RFC2: variants seen among roughly 807,000 people sequenced by gnomAD.
RFC2 encodes A1 40 kDa subunit.
Under a neutral mutation model 44.8 loss-of-function variants are expected in RFC2, and 34 were observed. The observed-to-expected ratio is 0.76, with a 90% CI of 0.58 to 1.01. The LOEUF (loss-of-function observed/expected upper bound fraction) is 1.01, where lower values mean the gene tolerates loss of function less well. RFC2 is among the 50% of genes least tolerant of loss of function. The probability of loss-of-function intolerance (pLI) is 0.00; values close to 1 mark genes in which losing one functional copy is unlikely to be tolerated. For missense variants in RFC2, 400 were observed against 453.6 expected (o/e 0.88, Z 1.07); for synonymous variants, 177 against 168.9 (o/e 1.05, Z -0.37).
intron 3 of RFC2, 108 bp from the exon 4 acceptor site, chr7:74,249,226 T>C: frequency 1.3e-6 from 2 of 1,566,790 alleles, no homozygotes; most frequent in Non-Finnish European, 1.7e-6. Context: ...GACCCCTGCA[T>C]TCCACCCACA....
chr7:74,249,636 G>C, intron 3 of RFC2, 103 bp downstream of exon 3: 1 of 949,646 alleles, frequency 1.1e-6, no homozygotes, highest in South Asian at 1.3e-5. Flanking sequence ...GGGGGAATGG[G>C]AAGGGGCTCT....
rs539584528 is a variant in RFC2, at chr7:74,234,394, T to G, written c.954+1138A>C. On this transcript the variant is annotated intron_variant, in intron 10 of 10. Transcript: ENST00000055077. ...TGGTGATAGTGTTTGCATGACTGAGTGCGTTTGTCCTGTACCTAACAGGCT... is the reference window on the plus strand; with the variant it reads ...TGGTGATAGTGTTTGCATGACTGAGGGCGTTTGTCCTGTACCTAACAGGCT... Among the ~76,000 whole-genome samples, 12 of 152,250 alleles carry G rather than the reference T, an allele frequency of 7.9e-5. No homozygotes were observed. In the East Asian group the frequency reaches 2.3e-3, roughly 29 times the overall value.
intron 9 of RFC2, among the ~76,000 whole-genome samples, chr7:74,236,273 A>G (rs1803008991): frequency 6.6e-6 from 1 of 151,738 alleles, no homozygotes; most frequent in African/African-American, 2.4e-5. Context: ...CAGGAGGCAG[A>G]GAAGCTCTGT....
chr7:74,238,513 G>A lies in RFC2; in HGVS notation c.759+410C>T, dbSNP rs1195387379. On this transcript the variant is annotated intron_variant, in intron 8 of 10. Coordinates refer to ENST00000055077, the MANE Select transcript of RFC2 (RefSeq NM_181471.3). The surrounding 1 kb of genome is among the most constrained non-coding windows in gnomAD (Gnocchi z 4.0). Reference sequence around the variant, plus strand: ...CATTGCAGAAAAAACCCAGGGTGTGGGGTCTGAAGGCTACTGGGGAACAGC... The same window carrying A: ...CATTGCAGAAAAAACCCAGGGTGTGAGGTCTGAAGGCTACTGGGGAACAGC... Among the ~76,000 whole-genome samples, 1 of 152,046 alleles carries A rather than the reference G, an allele frequency of 6.6e-6. No individual in the cohort carries two copies. Among genetic ancestry groups the A allele is most frequent in the East Asian group, 1.9e-4 (1 of 5,174 alleles).
chr7:74,237,415 C>A lies in RFC2; in HGVS notation c.787G>T (p.Val263Leu). 1.2e-6 allele frequency: 2 copies of A among 1,600,132 alleles called. No homozygotes were observed. The highest frequency in any genetic ancestry group is 1.7e-4 in the Middle Eastern group (1 of 6,036). Residue 263 changes from valine to leucine, a missense_variant, in exon 9 of 11, where the codon GTA becomes TTA. Transcript: ENST00000055077. ...KVCDEPHPLLVKEMIQHCVNA... is the reference protein window; with the variant it reads ...KVCDEPHPLLLKEMIQHCVNA... ...ACACAGTGCTGGATCATCTCCTTTA[C>A]CAGCAGTGGGTGGGGCTCGTCACAG...
At chr7:74,249,196 T>C in intron 3 of RFC2, 78 bp from the exon 4 acceptor site, 1 of 1,603,940 alleles carries the variant, frequency 6.2e-7, no homozygotes. Flanking sequence ...TTCACTGCTG[T>C]TTGCATCTCC....
chr7:74,240,996 T>C (rs1554719219), intron 6 of RFC2, among the ~76,000 whole-genome samples: 1 of 152,086 alleles, frequency 6.6e-6, no homozygotes, highest in Non-Finnish European at 1.5e-5. Context: ...AGTGGTGTGA[T>C]CTAGGCTCAC....
rs782788685 is a variant in RFC2, at chr7:74,237,323, G to A, written c.840+39C>T. On this transcript the variant is annotated intron_variant, in intron 9 of 10. Coordinates refer to ENST00000055077, the MANE Select transcript of RFC2 (RefSeq NM_181471.3). ...TCCCGCTCTCCTCTGCCCAAGAAGT[G>A]AGCGGTTCCTCTGCCAGGACGGGGG... The A allele has an allele frequency of 4.1e-6, 6 of 1,454,092 alleles. No individual in the cohort carries two copies. The Admixed American group carries it at 7.5e-5, about 18-fold the overall frequency. 90.1% of individuals were successfully genotyped at this position (1,454,092 alleles called of 1,614,324 possible).
chr7:74,239,795 C>G (rs1803223299), intron 7 of RFC2, 143 bp downstream of exon 7: 2 of 749,898 alleles, frequency 2.7e-6, no homozygotes, highest in Non-Finnish European at 4.2e-6. Flanking sequence ...CCGAGCTAGA[C>G]AGCCCACTGT....
intron 7 of RFC2, among the ~76,000 whole-genome samples, chr7:74,239,395 T>C (rs1803202973): frequency 6.6e-6 from 1 of 151,822 alleles, no homozygotes. Flanking sequence ...GCAGTGGTGC[T>C]ATCTCAGCTC....
chr7:74,247,687 G>A (rs963166683), intron 4 of RFC2, among the ~76,000 whole-genome samples: 2 of 152,132 alleles, frequency 1.3e-5, no homozygotes, highest in African/African-American at 4.8e-5. Context: ...GTACAGAACT[G>A]CAGAGACACC....
chr7:74,249,015 T>C lies in RFC2; in HGVS notation c.329A>G (p.Asp110Gly), dbSNP rs1427166620. The C allele has an allele frequency of 1.2e-6, 2 of 1,611,068 alleles. No homozygotes were observed. The highest frequency in any genetic ancestry group is 1.7e-4 in the Middle Eastern group (1 of 5,830). ...CAGGTCTGACTCTAAGACCTACCTG[T>C]CATTTGAAGCATTGAGTTCCAACAT... ...DAMLELNASN[D>G]RGIDVVRNKI... Residue 110 changes from aspartate (D) to glycine (G), a missense_variant, in exon 4 of 11, where the codon GAC becomes GGC. Transcript: ENST00000055077.
intron 10 of RFC2, 37 bp downstream of exon 10, chr7:74,235,495 T>C (rs3135698): frequency 0.093 from 123,888 of 1,338,638 alleles, 8,274 homozygotes; most frequent in African/African-American, 0.34. Flanking sequence ...ATGGGCCACA[T>C]TCTTGAGGAC....
At position 74,235,638 on chromosome 7, in the gene RFC2, G is replaced by C; in HGVS notation, c.848C>G (p.Ala283Gly). 1 of 1,605,638 alleles carries C rather than the reference G, an allele frequency of 6.2e-7. No individual in the cohort carries two copies. The highest frequency in any genetic ancestry group is 8.5e-7 in the Non-Finnish European group (1 of 1,172,294). ...ANIDEAYKIL[A>G]HLWHLGYSPE... ...TGAGTAGCCCAGATGCCACAAGTGA[G>C]CAAGAATCTAGACAAAGGAGACAGA... The change falls in exon 10 of 11, where the codon GCT (alanine) becomes GGT (glycine). Residue 283 changes from alanine to glycine, a missense_variant. Coordinates refer to ENST00000055077, the MANE Select transcript of RFC2 (RefSeq NM_181471.3).
chr7:74,253,918 T>C (rs1554721480), intron 1 of RFC2, among the ~76,000 whole-genome samples: 2 of 152,182 alleles, frequency 1.3e-5, no homozygotes, highest in African/African-American at 4.8e-5. Context: ...ATTTTCAACA[T>C]GTAATCGATA....
intron 10 of RFC2, chr7:74,233,940 C>A (rs1802869088): frequency 4.4e-6 from 2 of 453,762 alleles, no homozygotes; most frequent in Non-Finnish European, 8.9e-6. Context: ...GGCAATTTCA[C>A]CCCTGGGAAC....
At position 74,231,838 on chromosome 7, in the gene RFC2, C is replaced by G. The variant is rs1802741994; in HGVS notation, c.*268G>C. The G allele has an allele frequency of 3.7e-6, 1 of 268,752 alleles. No homozygotes were observed. 16.6% of individuals were successfully genotyped at this position (268,752 alleles called of 1,614,324 possible). ...GGGATTACAGGTGCCCGCCACCACA[C>G]CCAGCTAATTTTTATATTTTTAGTA... On this transcript the variant is annotated 3_prime_UTR_variant, in exon 11 of 11. Transcript: ENST00000055077.
At chr7:74,243,928 G>T (rs1427259889) in intron 5 of RFC2, among the ~76,000 whole-genome samples, 2 of 151,260 alleles carry the variant, frequency 1.3e-5, no homozygotes, top group African/African-American at 4.9e-5. Flanking sequence ...TGTAAACATT[G>T]ATAGTATATA....
chr7:74,232,126 T>C lies in RFC2; in HGVS notation c.1045A>G (p.Met349Val), dbSNP rs782305885. Residue 349 changes from methionine to valine, a missense_variant, in exon 11 of 11, where the codon ATG becomes GTG. Transcript: ENST00000055077. ...GLLARLCQKT[M>V]APVAS is the part of the protein sequence containing the mutation. ...CTGCTCTAACTGGCCACCGGGGCCA[T>C]TGTCTTCTGACACAGCCTTGCCAGG... The C allele has an allele frequency of 1.9e-6, 3 of 1,610,010 alleles. No individual in the cohort carries two copies. The highest frequency in any genetic ancestry group is 1.3e-5 in the African/African-American group (1 of 74,854).
Sources: gnomAD v4.1 joint callset for allele counts (sites outside exome capture counted in the v4.1 genomes callset) on GRCh38, gnomAD v4.1.1 for gene constraint, Gnocchi (gnomAD v3.1) non-coding constraint, MANE v1.5 for transcripts, NCBI Gene and HGNC (gene_info 2026-07-23, HGNC 2026-07-21) for gene names.